DLGAP2: variants seen among roughly 807,000 people sequenced by gnomAD.
The protein encoded by DLGAP2 is disks large-associated protein 2.
Under a neutral mutation model 100.3 loss-of-function variants are expected in DLGAP2, and 26 were observed. The observed-to-expected ratio is 0.26, with a 90% CI of 0.19 to 0.36. The LOEUF is 0.36. DLGAP2 is among the 10% of genes least tolerant of loss of function. DLGAP2 has a pLI of 1.00. For synonymous variants in DLGAP2, 886 were observed against 630.1 expected (o/e 1.41, Z -6.08); for missense variants, 1,858 against 1,453.2 (o/e 1.28, Z -4.53).
At chr8:1,036,231 G>A (rs1212772112) in intron 2 of DLGAP2, among the ~76,000 whole-genome samples, 15 of 152,016 alleles carry the variant, frequency 9.9e-5, no homozygotes, top group African/African-American at 3.1e-4. Flanking sequence ...GCGTGTCACC[G>A]CGAGTGGATT....
chr8:1,272,396 T>C (rs1019142177), intron 3 of DLGAP2, among the ~76,000 whole-genome samples: 1 of 152,038 alleles, frequency 6.6e-6, no homozygotes, highest in Non-Finnish European at 1.5e-5. Flanking sequence ...TTTATATATA[T>C]AGATGTTTTA....
chr8:1,236,473 G>A (rs1327585815), intron 2 of DLGAP2, among the ~76,000 whole-genome samples: 8 of 31,036 alleles, frequency 2.6e-4, no homozygotes, highest in African/African-American at 1.2e-3. Flanking sequence ...CACACATAGC[G>A]TCATGTCTAG....
rs376541101 is a variant in DLGAP2, at chr8:1,683,910, G to A, written c.2704+5281G>A. 6.4e-3 allele frequency among the ~76,000 whole-genome samples: 666 copies of A among 104,820 alleles called. 19 individuals are homozygous for A. Among genetic ancestry groups the A allele is most frequent in the African/African-American group, 0.02 (537 of 26,232 alleles). The allele number at this position is 104,820 out of a possible 152,430, so 68.8% of individuals were successfully genotyped here. A position where few individuals can be genotyped will look rare whatever the true frequency, so the allele number is the denominator to read the frequency against. On this transcript the variant is annotated intron_variant, in intron 12 of 14. Coordinates refer to ENST00000637795, the MANE Select transcript of DLGAP2 (RefSeq NM_001346810.2). ...TGTGTGTGTGTGTATACACATATAT[G>A]TGTATATATATATGTGTGTATATAT...
At chr8:1,232,606 A>G (rs1322967145) in intron 2 of DLGAP2, among the ~76,000 whole-genome samples, 3 of 152,146 alleles carry the variant, frequency 2.0e-5, no homozygotes, top group Non-Finnish European at 4.4e-5. Context: ...TGATGTTTGT[A>G]TTTGTTGAGT....
chr8:1,481,836 C>G (rs1584944147), intron 3 of DLGAP2, among the ~76,000 whole-genome samples: 2 of 152,264 alleles, frequency 1.3e-5, no homozygotes, highest in East Asian at 3.9e-4. Context: ...ATCTCTGACT[C>G]CTTGGCTGGC....
intron 3 of DLGAP2, among the ~76,000 whole-genome samples, chr8:1,389,819 A>T (rs1108899): frequency 1.3e-5 from 2 of 152,082 alleles, no homozygotes; most frequent in Non-Finnish European, 1.5e-5. Context: ...CAAGGATCCA[A>T]CGCAGACCCA....
At chr8:823,063 C>T (rs6992220) in intron 1 of DLGAP2, among the ~76,000 whole-genome samples, 8 of 151,810 alleles carry the variant, frequency 5.3e-5, no homozygotes, top group Non-Finnish European at 1.0e-4. Flanking sequence ...TCAGGGGGGG[C>T]CATGTTGCTG....
At chr8:1,564,461 G>A (rs1331705841) in intron 5 of DLGAP2, among the ~76,000 whole-genome samples, 1 of 152,180 alleles carries the variant, frequency 6.6e-6, no homozygotes, top group African/African-American at 2.4e-5. Context: ...TATATAAAAT[G>A]CACGTGGGTT....
At chr8:1,374,118 A>T (rs1802329435) in intron 3 of DLGAP2, among the ~76,000 whole-genome samples, 1 of 145,498 alleles carries the variant, frequency 6.9e-6, no homozygotes, top group African/African-American at 2.7e-5. Context: ...TGTGTGGTGG[A>T]GGTTAGGTTA....
At chr8:1,180,377 A>G (rs1250522828) in intron 2 of DLGAP2, among the ~76,000 whole-genome samples, 13 of 152,132 alleles carry the variant, frequency 8.5e-5, no homozygotes, top group Non-Finnish European at 5.9e-5. Context: ...TGATTCATTT[A>G]TTATCATTTT....
intron 2 of DLGAP2, among the ~76,000 whole-genome samples, chr8:1,157,034 A>G (rs947191443): frequency 9.2e-5 from 14 of 152,030 alleles, no homozygotes; most frequent in Non-Finnish European, 1.8e-4. Flanking sequence ...CCAGGCTCTC[A>G]GTGGTACCTT....
intron 6 of DLGAP2, among the ~76,000 whole-genome samples, chr8:1,582,410 G>A (rs1803318311): frequency 1.3e-5 from 2 of 150,844 alleles, no homozygotes; most frequent in Admixed American, 1.3e-4. Flanking sequence ...ATTCTGGCCA[G>A]AACACCGTAA....
At chr8:1,701,054 GGACGGGA>G in intron 14 of DLGAP2, 127 bp from the exon 15 acceptor site, 1 of 766,870 alleles carries the variant, frequency 1.3e-6, no homozygotes, top group Non-Finnish European at 2.1e-6. Flanking sequence ...GGCAGACGGG[GGACGGGA>G]GTGAAGGATG....
chr8:868,238 G>A (rs1175855717), intron 1 of DLGAP2, among the ~76,000 whole-genome samples: 2 of 152,194 alleles, frequency 1.3e-5, no homozygotes, highest in African/African-American at 4.8e-5. Context: ...GTCCTGTGGG[G>A]TCACATGTTC....
At chr8:1,338,284 C>G (rs1801334095) in intron 3 of DLGAP2, among the ~76,000 whole-genome samples, 1 of 152,234 alleles carries the variant, frequency 6.6e-6, no homozygotes, top group Non-Finnish European at 1.5e-5. Flanking sequence ...CAGATGTTCC[C>G]CATTAGCCCA....
At chr8:1,252,761 G>A (rs548058215) in intron 2 of DLGAP2, among the ~76,000 whole-genome samples, 4 of 152,392 alleles carry the variant, frequency 2.6e-5, no homozygotes, top group South Asian at 2.1e-4. Flanking sequence ...TCCTGTTGAA[G>A]CGCGGCCGGA....
At chr8:1,174,423 C>A (rs1036611674) in intron 2 of DLGAP2, among the ~76,000 whole-genome samples, 5 of 151,586 alleles carry the variant, frequency 3.3e-5, no homozygotes, top group African/African-American at 1.2e-4. Flanking sequence ...ATTATCATTA[C>A]CATTACCACC....
At chr8:759,868 C>T (rs929544198) in intron 1 of DLGAP2, among the ~76,000 whole-genome samples, 1 of 152,218 alleles carries the variant, frequency 6.6e-6, no homozygotes, top group Non-Finnish European at 1.5e-5. Flanking sequence ...TAATTTCTTG[C>T]TCTGTCAACT....
chr8:1,128,273 C>T (rs936487488), intron 2 of DLGAP2, among the ~76,000 whole-genome samples: 1 of 150,384 alleles, frequency 6.6e-6, no homozygotes, highest in Non-Finnish European at 1.5e-5. Context: ...AGGACCTGCT[C>T]CCGGTGTTGT....
Sources: gnomAD v4.1 joint callset for allele counts (sites outside exome capture counted in the v4.1 genomes callset) on GRCh38, gnomAD v4.1.1 for gene constraint, MANE v1.5 for transcripts, NCBI Gene and HGNC (gene_info 2026-07-23, HGNC 2026-07-21) for gene names.